RASAL2: variants seen among roughly 807,000 people sequenced by gnomAD.
RASAL2 encodes ras GTPase-activating protein nGAP.
Under a neutral mutation model 128.9 loss-of-function variants are expected in RASAL2, and 58 were observed. That is an observed-to-expected ratio of 0.45 (90% CI 0.36 to 0.56). The LOEUF (loss-of-function observed/expected upper bound fraction) is 0.56, where lower values mean the gene tolerates loss of function less well. RASAL2 is among the 20% of genes least tolerant of loss of function. The probability of loss-of-function intolerance (pLI) is 0.00; values close to 1 mark genes in which losing one functional copy is unlikely to be tolerated. For missense variants in RASAL2, 1,360 were observed against 1,601.6 expected (o/e 0.85, Z 2.57); for synonymous variants, 561 against 580.8 (o/e 0.97, Z 0.49).
intron 1 of RASAL2, among the ~76,000 whole-genome samples, chr1:178,171,779 T>G (rs1214500394): frequency 6.6e-6 from 1 of 151,978 alleles, no homozygotes; most frequent in Non-Finnish European, 1.5e-5. Context: ...TGCTTTCTGT[T>G]TGGCAGTCTC....
intron 3 of RASAL2, among the ~76,000 whole-genome samples, chr1:178,321,064 A>G (rs996540406): frequency 1.7e-4 from 26 of 152,134 alleles, no homozygotes; most frequent in Non-Finnish European, 2.6e-4. Flanking sequence ...AAAGTACTTT[A>G]TCTGTGCACA....
At chr1:178,179,358 C>T (rs554798518) in intron 1 of RASAL2, among the ~76,000 whole-genome samples, 1 of 152,294 alleles carries the variant, frequency 6.6e-6, no homozygotes, top group East Asian at 1.9e-4. Context: ...ATAATGCCAA[C>T]ATTCACACTT....
chr1:178,373,371 A>G (rs1175840430), intron 3 of RASAL2, among the ~76,000 whole-genome samples: 1 of 146,996 alleles, frequency 6.8e-6, no homozygotes, highest in Non-Finnish European at 1.5e-5. Context: ...TTAATTTACC[A>G]TGGCCTTATT....
chr1:178,242,338 T>A (rs1259123938), intron 1 of RASAL2, among the ~76,000 whole-genome samples: 1 of 152,178 alleles, frequency 6.6e-6, no homozygotes, highest in Admixed American at 6.5e-5. Flanking sequence ...TTTTAGCATA[T>A]CTTTTAACAT....
chr1:178,414,666 A>G (rs896782933), intron 4 of RASAL2, among the ~76,000 whole-genome samples: 4 of 152,172 alleles, frequency 2.6e-5, no homozygotes, highest in African/African-American at 9.7e-5. Flanking sequence ...TCTGAAAGAC[A>G]TTGTAGAGAA....
chr1:178,463,643 T>C (rs1028203337), intron 14 of RASAL2, among the ~76,000 whole-genome samples: 59 of 152,314 alleles, frequency 3.9e-4, no homozygotes, highest in African/African-American at 1.2e-3. Flanking sequence ...TCTGTAAAGA[T>C]AACCAGCATC....
In RASAL2 at chr1:178,300,103, G is replaced by A. The variant is rs141488130; in HGVS notation, c.442G>A (p.Gly148Ser). The A allele has an allele frequency of 1.5e-4, 234 of 1,613,052 alleles. 2 individuals carry two copies. Among genetic ancestry groups the A allele is most frequent in the Middle Eastern group, 6.7e-4 (4 of 6,008 alleles). ...TCAGTTTCCCGAGTACCCACCAGAG[G>A]GCGCCACTAAACTGGGTAAGCTACT... ...EGQFPEYPPE[G>S]ATKLEVPAER... Residue 148 changes from glycine to serine, a missense_variant, in exon 3 of 18, where the codon GGC becomes AGC. By Grantham distance (56) the Gly-to-Ser change is moderately conservative. Coordinates refer to ENST00000367649, the MANE Select transcript of RASAL2 (RefSeq NM_170692.4).
chr1:178,191,644 G>A (rs936646577), intron 1 of RASAL2, among the ~76,000 whole-genome samples: 2 of 152,138 alleles, frequency 1.3e-5, no homozygotes, highest in African/African-American at 4.8e-5. Flanking sequence ...TGTCTTCAAA[G>A]CTTTCCTTGA....
chr1:178,384,692 A>AC (rs1373142364), intron 3 of RASAL2, among the ~76,000 whole-genome samples: 13 of 141,330 alleles, frequency 9.2e-5, no homozygotes, highest in African/African-American at 1.7e-4. Flanking sequence ...ACACACACAC[A>AC]AAAAAAAAAC....
At chr1:178,274,700 G>A (rs1039131768) in intron 1 of RASAL2, among the ~76,000 whole-genome samples, 1 of 152,036 alleles carries the variant, frequency 6.6e-6, no homozygotes, top group Admixed American at 6.5e-5. Context: ...CAATCCTCCT[G>A]CCACAGCCTC....
chr1:178,424,506 G>A (rs537170736), intron 5 of RASAL2, among the ~76,000 whole-genome samples: 13 of 152,208 alleles, frequency 8.5e-5, no homozygotes, highest in African/African-American at 2.6e-4. Context: ...CTGTCACCCA[G>A]GCTGGAGTGC....
intron 1 of RASAL2, among the ~76,000 whole-genome samples, chr1:178,238,183 A>T (rs894040100): frequency 2.0e-5 from 3 of 152,200 alleles, no homozygotes; most frequent in African/African-American, 7.2e-5. Context: ...ACAATATGTG[A>T]CATTTTGTGT....
At chr1:178,275,932 C>T (rs549241890) in intron 1 of RASAL2, among the ~76,000 whole-genome samples, 5 of 152,264 alleles carry the variant, frequency 3.3e-5, no homozygotes, top group African/African-American at 9.6e-5. Flanking sequence ...GGTTAAAAGA[C>T]ACAATATAAA....
At chr1:178,218,406 G>T (rs1288872502) in intron 1 of RASAL2, among the ~76,000 whole-genome samples, 1 of 152,216 alleles carries the variant, frequency 6.6e-6, no homozygotes, top group African/African-American at 2.4e-5. Context: ...TCAGTATGCG[G>T]CCAGGTGCAG....
chr1:178,277,147 C>CAAAAAAAA (rs61384367), intron 1 of RASAL2, among the ~76,000 whole-genome samples: 2 of 55,126 alleles, frequency 3.6e-5, no homozygotes, highest in African/African-American at 6.9e-5. Flanking sequence ...GATTCCCTCT[C>CAAAAAAAA]AAAAAAAAAA....
chr1:178,424,438 C>A (rs1675385533), intron 5 of RASAL2, among the ~76,000 whole-genome samples: 1 of 151,782 alleles, frequency 6.6e-6, no homozygotes, highest in Non-Finnish European at 1.5e-5. Flanking sequence ...AGATAAACCA[C>A]AAACCTTATC....
intron 3 of RASAL2, among the ~76,000 whole-genome samples, chr1:178,360,166 C>T (rs144619051): frequency 6.6e-6 from 1 of 152,126 alleles, no homozygotes; most frequent in African/African-American, 2.4e-5. Context: ...AACTCCACCC[C>T]CAACCCCACC....
chr1:178,433,248 C>T (rs1381234312), intron 5 of RASAL2, among the ~76,000 whole-genome samples: 1 of 152,088 alleles, frequency 6.6e-6, no homozygotes, highest in African/African-American at 2.4e-5. Context: ...AAATCCACCC[C>T]ATCCCCATGA....
intron 3 of RASAL2, among the ~76,000 whole-genome samples, chr1:178,328,819 T>A (rs1478590338): frequency 6.6e-6 from 1 of 152,208 alleles, no homozygotes; most frequent in East Asian, 1.9e-4. Flanking sequence ...GGTATTTTCC[T>A]ACTGCTTTAT....
Sources: gnomAD v4.1 joint callset for allele counts (sites outside exome capture counted in the v4.1 genomes callset) on GRCh38, gnomAD v4.1.1 for gene constraint, MANE v1.5 for transcripts, NCBI Gene and HGNC (gene_info 2026-07-23, HGNC 2026-07-21) for gene names.